MYBL2: variants seen among roughly 807,000 people sequenced by gnomAD.
The protein encoded by MYBL2 is myb-related protein B.
A neutral mutation model predicts 79.9 loss-of-function variants in MYBL2; 28 were observed. The observed-to-expected ratio is 0.35, with a 90% CI of 0.26 to 0.48. The LOEUF is 0.48. MYBL2 is among the 20% of genes least tolerant of loss of function. MYBL2 has a pLI of 0.99. For missense variants in MYBL2, 735 were observed against 893.9 expected (o/e 0.82, Z 2.27); for synonymous variants, 378 against 361.2 (o/e 1.05, Z -0.53).
chr20:43,691,744 G>A (rs1467344993), intron 5 of MYBL2, among the ~76,000 whole-genome samples: 1 of 151,774 alleles, frequency 6.6e-6, no homozygotes, highest in East Asian at 1.9e-4. Flanking sequence ...TCTCTGTGTT[G>A]GTCAGGCTGG....
At chr20:43,677,207 T>C (rs577546820) in intron 2 of MYBL2, among the ~76,000 whole-genome samples, 126 of 152,312 alleles carry the variant, frequency 8.3e-4, no homozygotes, top group Non-Finnish European at 1.4e-3. Context: ...CAAGACCAAG[T>C]TCCTACCCCA....
At chr20:43,691,237 A>T (rs1458781949) in intron 5 of MYBL2, among the ~76,000 whole-genome samples, 1 of 152,210 alleles carries the variant, frequency 6.6e-6, no homozygotes, top group East Asian at 1.9e-4. Flanking sequence ...GCTTCTACAC[A>T]TTCGAAGTGG....
At chr20:43,668,809 C>T (rs944071314) in intron 1 of MYBL2, among the ~76,000 whole-genome samples, 3 of 151,902 alleles carry the variant, frequency 2.0e-5, no homozygotes, top group Non-Finnish European at 4.4e-5. Flanking sequence ...CAACTCAGCC[C>T]GCTGGGACTG....
At chr20:43,689,634 G>A (rs746140611) in intron 5 of MYBL2, among the ~76,000 whole-genome samples, 2 of 152,174 alleles carry the variant, frequency 1.3e-5, no homozygotes, top group Non-Finnish European at 1.5e-5. Flanking sequence ...CCCAGACTGT[G>A]GTTGGTCTCT....
intron 3 of MYBL2, 49 bp from the exon 4 acceptor site, chr20:43,682,745 G>C: frequency 6.3e-7 from 1 of 1,583,698 alleles, no homozygotes; most frequent in African/African-American, 1.3e-5. Flanking sequence ...CCCAGCCCGA[G>C]GTCCCAGAAG....
intron 11 of MYBL2, 85 bp from the exon 12 acceptor site, chr20:43,712,917 A>C (rs1987941878): frequency 9.5e-7 from 1 of 1,051,938 alleles, no homozygotes; most frequent in Non-Finnish European, 1.4e-6. Context: ...TGGTTTTGTG[A>C]CCATCCATGG....
intron 12 of MYBL2, 82 bp from the exon 13 acceptor site, chr20:43,715,052 C>T (rs753871088): frequency 7.7e-5 from 118 of 1,531,152 alleles, no homozygotes; most frequent in Non-Finnish European, 1.1e-4. Flanking sequence ...GGTGGTGGTG[C>T]TGGGGTGGGA....
intron 6 of MYBL2, 28 bp downstream of exon 6, chr20:43,692,347 G>T: frequency 6.2e-7 from 1 of 1,611,918 alleles, no homozygotes; most frequent in Non-Finnish European, 8.5e-7. Flanking sequence ...CCTTTGGCTT[G>T]GTTTGATTTC....
chr20:43,710,429 C>G (rs368544963), intron 10 of MYBL2, among the ~76,000 whole-genome samples: 1 of 151,268 alleles, frequency 6.6e-6, no homozygotes, highest in Non-Finnish European at 1.5e-5. Flanking sequence ...TCTGGCCTGT[C>G]TCTGACCAAC....
chr20:43,698,246 A>G (rs915103487), intron 6 of MYBL2, among the ~76,000 whole-genome samples: 66 of 149,744 alleles, frequency 4.4e-4, no homozygotes, highest in African/African-American at 1.6e-3. Context: ...TTTTATAGAG[A>G]TGGGGTTTGC....
At chr20:43,699,189 C>T (rs1384781788) in intron 6 of MYBL2, among the ~76,000 whole-genome samples, 1 of 151,988 alleles carries the variant, frequency 6.6e-6, no homozygotes, top group Non-Finnish European at 1.5e-5. Context: ...CAGGTGCCTG[C>T]CACCACACCT....
At position 43,673,727 on chromosome 20, in the gene MYBL2, T is replaced by C. The variant is rs1180066791; in HGVS notation, c.21-79T>C. On this transcript the variant is annotated intron_variant, in intron 1 of 13. Coordinates refer to ENST00000217026, the MANE Select transcript of MYBL2 (RefSeq NM_002466.4). Reference sequence around the variant, plus strand: ...CCCCAGACCTTTCCCTAGGGTGGGCTGGCCGCTGCCTACACGTTCTCCATT... The same window carrying C: ...CCCCAGACCTTTCCCTAGGGTGGGCCGGCCGCTGCCTACACGTTCTCCATT... 2.2e-6 allele frequency: 3 copies of C among 1,387,204 alleles called. No homozygotes were observed. In the Admixed American group the frequency reaches 5.1e-5, roughly 24 times the overall value. 85.9% of individuals were successfully genotyped at this position (1,387,204 alleles called of 1,614,324 possible). A position where few individuals can be genotyped will look rare whatever the true frequency, so the allele number is the denominator to read the frequency against.
At chr20:43,685,175 A>AATTT (rs1600548947) in intron 4 of MYBL2, among the ~76,000 whole-genome samples, 3 of 150,646 alleles carry the variant, frequency 2.0e-5, no homozygotes, top group Admixed American at 6.6e-5. Flanking sequence ...AATGAAATAA[A>AATTT]ATTTATTTAT....
At chr20:43,675,064 C>T (rs902071737) in intron 2 of MYBL2, among the ~76,000 whole-genome samples, 5 of 152,036 alleles carry the variant, frequency 3.3e-5, no homozygotes, top group African/African-American at 1.2e-4. Flanking sequence ...ACTGTAGCCT[C>T]AACTTTCTGG....
chr20:43,681,843 C>A lies in MYBL2; in HGVS notation c.174C>A (p.Ala58=). 6.2e-7 allele frequency: 1 copy of A among 1,614,198 alleles called. No individual in the cohort carries two copies. Among genetic ancestry groups the A allele is most frequent in the Non-Finnish European group, 8.5e-7 (1 of 1,180,042 alleles). ...GACAGCAGGACTGGAAGTTCCTGGC[C>A]AGCCACTTCCCTGTGAGTACAGTCC... ...QFGQQDWKFL[A]SHFPNRTDQQ... is the part of the protein sequence containing the mutation. Residue 58 remains alanine (A), a synonymous_variant, in exon 3 of 14, where the codon GCC becomes GCA. Coordinates refer to ENST00000217026, the MANE Select transcript of MYBL2 (RefSeq NM_002466.4).
chr20:43,700,364 C>T (rs1280541598), intron 7 of MYBL2, among the ~76,000 whole-genome samples: 1 of 152,186 alleles, frequency 6.6e-6, no homozygotes, highest in Non-Finnish European at 1.5e-5. Context: ...CAGGTGACAG[C>T]ACAGGACAGC....
At chr20:43,714,074 A>G (rs781120679) in intron 12 of MYBL2, among the ~76,000 whole-genome samples, 1 of 152,166 alleles carries the variant, frequency 6.6e-6, no homozygotes, top group Non-Finnish European at 1.5e-5. Context: ...AAAGAAAAAA[A>G]CATCACCGCA....
rs1483822345 is a variant in MYBL2, at chr20:43,667,300, G to T, written c.17G>T (p.Arg6Leu). 8.1e-7 allele frequency: 1 copy of T among 1,229,026 alleles called. No homozygotes were observed. Among genetic ancestry groups the T allele is most frequent in the Admixed American group, 4.2e-5 (1 of 23,558 alleles). The allele number at this position is 1,229,026 out of a possible 1,614,324, so 76.1% of individuals were successfully genotyped here. MSRRT[R>L]CEDLDELHYQ... ...GCCGGGGGGATGTCTCGGCGGACGC[G>T]CTGGTGAGACGAGCCGGGAGGGCTT... Residue 6 changes from arginine to leucine, a missense_variant, in exon 1 of 14, where the codon CGC becomes CTC. Physicochemically the swap from Arg to Leu is moderately radical, Grantham distance 102 (BLOSUM62 -2). Around this residue, in one of 5 missense-constraint regions of MYBL2, gnomAD observed 79 missense variants for 86.7 expected, o/e 0.91. Transcript: ENST00000217026.
At chr20:43,713,589 G>A (rs1987962815) in intron 12 of MYBL2, among the ~76,000 whole-genome samples, 1 of 152,090 alleles carries the variant, frequency 6.6e-6, no homozygotes. Context: ...GTTTCTCCAT[G>A]TTGGTCAGGC....
Sources: gnomAD v4.1 joint callset for allele counts (sites outside exome capture counted in the v4.1 genomes callset) on GRCh38, gnomAD v4.1.1 for gene constraint, gnomAD v4.1.1 regional missense constraint, MANE v1.5 for transcripts, NCBI Gene and HGNC (gene_info 2026-07-23, HGNC 2026-07-21) for gene names.